TTN: variants seen among roughly 807,000 people sequenced by gnomAD.
The protein encoded by TTN is connectin.
TTN carries 1,525 observed loss-of-function variants against 3,223.0 expected under a neutral mutation model. The observed-to-expected ratio is 0.47, with a 90% confidence interval of 0.45 to 0.49. The LOEUF is 0.49. TTN is among the 20% of genes least tolerant of loss of function. TTN has a pLI of 0.00. For missense variants in TTN, 40,786 were observed against 43,424.0 expected, an observed-to-expected ratio of 0.94 and a Z score of 5.40; for synonymous variants, 14,094 against 15,161.0, an observed-to-expected ratio of 0.93 and a Z score of 5.17.
chr2:178,773,209 T>G lies in TTN; in HGVS notation c.7755A>C (p.Lys2585Asn), dbSNP rs2091789577. 1 of 1,613,712 alleles carries G rather than the reference T, an allele frequency of 6.2e-7. No homozygotes were observed. The highest frequency in any genetic ancestry group is 1.7e-5 in the Admixed American group (1 of 59,954). The change falls in exon 33 of 363, where the codon AAA (lysine) becomes AAC (asparagine). Residue 2585 changes from lysine (K) to asparagine (N), a missense_variant. Coordinates refer to ENST00000589042, the MANE Select transcript of TTN (RefSeq NM_001267550.2). ...SSKYKIEAHG[K>N]IYKLTVLNMM... ...TATTTAGAACTGTCAATTTATATAT[T>G]TTTCCATGTGCTTCAATTTTATATT...
chr2:178,617,196 T>G lies in TTN; in HGVS notation c.47799A>C (p.Arg15933Ser). ...GLEKGNKYLYRVSAENKAGVS... is the reference protein window; with the variant it reads ...GLEKGNKYLYSVSAENKAGVS... The stretch of plus-strand genomic sequence containing the variant: ...CACCAGCTTTATTTTCTGCAGATAC[T>G]CTATATAAATATTTATTTCCTTTTT... The change falls in exon 255 of 363, where the codon AGA becomes AGC. Residue 15933 changes from arginine to serine, a missense_variant. Transcript: ENST00000589042. 1.3e-6 allele frequency: 2 copies of G among 1,573,822 alleles called. No homozygotes were observed. The highest frequency in any genetic ancestry group is 1.7e-6 in the Non-Finnish European group (2 of 1,160,104).
chr2:178,751,442 A>T (rs2085472965), intron 47 of TTN: 1 of 1,612,880 alleles, frequency 6.2e-7, no homozygotes, highest in African/African-American at 1.3e-5. Flanking sequence ...AGTTCTCATC[A>T]TTCCCTTTTG....
In TTN at chr2:178,613,268, C is replaced by T. The variant is rs776604541; in HGVS notation, c.49541G>A (p.Gly16514Asp). 6.2e-7 allele frequency: 1 copy of T among 1,608,078 alleles called. No individual in the cohort carries two copies. The highest frequency in any genetic ancestry group is 1.1e-5 in the South Asian group (1 of 89,548). ...TCTGTATTTTTTCTTATTAGTGAGA[C>T]CTTTCACTCTGAATTAGGAACAAAG... ...PVKDTTYRVK[G>D]LTNKKKYRFR... The change falls in exon 264 of 363, where the codon GGT becomes GAT. Residue 16514 changes from glycine to aspartate, a missense_variant. Physicochemically the swap from Gly to Asp is moderately conservative, Grantham distance 94 (BLOSUM62 -1). Transcript: ENST00000589042.
In TTN at chr2:178,740,453, C is replaced by A. The variant is rs746578; in HGVS notation, c.12780G>T (p.Ala4260=). ...CAGCTAAGCTCTGACTCAAGATGAG[C>A]GCACTTTGTGCCTCTTGCTTTTGAA... ...VTLQKQEAQS[A]LILSQSLAEG... is the part of the protein sequence containing the mutation. The change falls in exon 48 of 363, where the codon GCG becomes GCT. Residue 4260 remains alanine (A), a synonymous_variant. Coordinates refer to ENST00000589042, the MANE Select transcript of TTN (RefSeq NM_001267550.2). The A allele has an allele frequency of 0.053, 84,987 of 1,613,230 alleles. 3,833 individuals carry two copies. Among genetic ancestry groups the A allele is most frequent in the Admixed American group, 0.21 (12,315 of 59,928 alleles).
chr2:178,577,551 G>A, intron 323 of TTN, 41 bp from the exon 324 acceptor site: 2 of 1,550,890 alleles, frequency 1.3e-6, no homozygotes, highest in Admixed American at 2.0e-5. Flanking sequence ...AAAGGAAGGA[G>A]GCTTAATTTG....
At chr2:178,688,068 C>T in intron 127 of TTN, 43 bp downstream of exon 127, 1 of 1,545,874 alleles carries the variant, frequency 6.5e-7, no homozygotes, top group South Asian at 1.1e-5. Context: ...GAAAACACCT[C>T]ATCAAAACCC....
At chr2:178,682,614 A>T (rs1263299132) in intron 135 of TTN, 83 bp downstream of exon 135, 18 of 1,311,208 alleles carry the variant, frequency 1.4e-5, no homozygotes, top group Non-Finnish European at 1.8e-5. Context: ...CCAAATTTTT[A>T]TCTTGTTATG....
At position 178,539,209 on chromosome 2, in the gene TTN, A is replaced by G. The variant is rs368877793; in HGVS notation, c.98726T>C (p.Val32909Ala). ...GGACAAGCTAACAGAACTCTTGGTT[A>G]CATCGAGTACTTCTGGAGGATTGCT... ...PPSNPPEVLD[V>A]TKSSVSLSWS... The change falls in exon 353 of 363, where the codon GTA becomes GCA. Residue 32909 changes from valine (V) to alanine (A), a missense_variant. Coordinates refer to ENST00000589042, the MANE Select transcript of TTN (RefSeq NM_001267550.2). 435 of 1,613,700 alleles carry G rather than the reference A, an allele frequency of 2.7e-4. No homozygotes were observed. The highest frequency in any genetic ancestry group is 3.4e-4 in the Non-Finnish European group (404 of 1,179,762).
Position 178,775,684 on chromosome 2 carries a change from C to T in TTN, c.6180G>A (p.Thr2060=), listed in dbSNP as rs990559709. ...KKALAEEGKI[T]IPTFKPDKIE... ...TCTTGTCAGGTTTAAAAGTTGGAAT[C>T]GTGATTTTGCCTTCTTCGGCAAGAG... The change falls in exon 28 of 363, where the codon ACG becomes ACA. Residue 2060 remains threonine, a synonymous_variant. Transcript: ENST00000589042. 1 of 1,614,100 alleles carries T rather than the reference C, an allele frequency of 6.2e-7. No homozygotes were observed. The highest frequency in any genetic ancestry group is 8.5e-7 in the Non-Finnish European group (1 of 1,179,990).
chr2:178,528,500 T>C (rs1420256081), intron 360 of TTN, 28 bp downstream of exon 360: 1 of 1,594,228 alleles, frequency 6.3e-7, no homozygotes, highest in Non-Finnish European at 8.5e-7. Flanking sequence ...TAGTTTTTCT[T>C]CAATAATATA....
At position 178,652,532 on chromosome 2, in the gene TTN, G is replaced by A. The variant is rs2063219455; in HGVS notation, c.39053C>T (p.Ala13018Val). The change falls in exon 202 of 363, where the codon GCT becomes GTT. Residue 13018 changes from alanine to valine, a missense_variant. Coordinates refer to ENST00000589042, the MANE Select transcript of TTN (RefSeq NM_001267550.2). The part of the protein sequence containing the change: ...PEVPPVKVPE[A>V]PKEVVPEKKV... ...CTTTTCAGGAACAACTTCTTTCGGA[G>A]CCTCTGGCACTTAAAAGATATTAGT... is the stretch of plus-strand genomic sequence containing the variant. 3.1e-6 allele frequency: 5 copies of A among 1,613,370 alleles called. No homozygotes were observed. Among genetic ancestry groups the A allele is most frequent in the South Asian group, 1.1e-5 (1 of 91,070 alleles).
At chr2:178,746,656 TC>T (rs780394693) in intron 47 of TTN, 1 of 1,613,380 alleles carries the variant, frequency 6.2e-7, no homozygotes, top group South Asian at 1.1e-5. Context: ...CTCCCCCTTC[TC>T]CTTTTTGAAT....
Position 178,727,320 on chromosome 2 carries a change from C to T in TTN, c.20045G>A (p.Gly6682Asp). The stretch of plus-strand genomic sequence containing the variant: ...CTTGCATTCAAGTCGTGAAGAGTCA[C>T]CTGCTTTCACAATTTTGGAGGCTTC... The part of the protein sequence containing the change: ...KLEASKIVKA[G>D]DSSRLECKIA... Residue 6682 changes from glycine to aspartate, a missense_variant, in exon 69 of 363, where the codon GGT (glycine) becomes GAT (aspartate). Gly to Asp is a moderately conservative substitution (Grantham distance 94). Coordinates refer to ENST00000589042, the MANE Select transcript of TTN (RefSeq NM_001267550.2). 6.2e-7 allele frequency: 1 copy of T among 1,610,694 alleles called. No individual in the cohort carries two copies. The highest frequency in any genetic ancestry group is 1.1e-5 in the South Asian group (1 of 90,528).
At chr2:178,764,340 C>T (rs769252329) in intron 42 of TTN, 38 bp from the exon 43 acceptor site, 5 of 1,613,070 alleles carry the variant, frequency 3.1e-6, no homozygotes, top group Non-Finnish European at 4.2e-6. Context: ...ATGATTAAGT[C>T]ACCATAGAGA....
In TTN at chr2:178,589,888, G is replaced by A; in HGVS notation, c.61837C>T (p.Gln20613Ter). The A allele has an allele frequency of 1.9e-6, 3 of 1,613,358 alleles. No homozygotes were observed. The highest frequency in any genetic ancestry group is 2.5e-6 in the Non-Finnish European group (3 of 1,179,584). ...GATGCAACAATTGACCAGCCTTTCT[G>A]GTTTGGTTTGCGATATTCTACTATG... ...NFIVEYRKPN[Q>*]KGWSIVASDV... Residue 20613 changes from glutamine (Q) to a stop codon, truncating the protein, a stop_gained, in exon 304 of 363, where the codon CAG (glutamine) becomes TAG (stop). Transcript: ENST00000589042. LOFTEE classifies it high-confidence loss of function.
At position 178,585,949 on chromosome 2, in the gene TTN, A is replaced by G. The variant is rs915839792; in HGVS notation, c.64396+556T>C. 3.9e-5 allele frequency among the ~76,000 whole-genome samples: 6 copies of G among 152,134 alleles called. No homozygotes were observed. The East Asian group carries it at 1.2e-3, about 29-fold the overall frequency. ...TAGAATGATTTATAATCCTTTGGGT[A>G]TATACCCAGTAATGAGATTGCTGGG... is the stretch of plus-strand genomic sequence containing the variant. On this transcript the variant is annotated intron_variant, in intron 308 of 362. Transcript: ENST00000589042.
At position 178,727,717 on chromosome 2, in the gene TTN, A is replaced by G. The variant is rs760276555; in HGVS notation, c.19861T>C (p.Phe6621Leu). Residue 6621 changes from phenylalanine to leucine, a missense_variant, in exon 68 of 363, where the codon TTC (phenylalanine) becomes CTC (leucine). Phe to Leu is a conservative substitution (Grantham distance 22). Transcript: ENST00000589042. ...DVELVSGPKC[F>L]IGLEGSTSFL... ...CTAGTCGACCCTTCCAAGCCAATGA[A>G]ACATTTAGGACCTGAGACAAGTTCC... The G allele has an allele frequency of 1.9e-6, 3 of 1,613,354 alleles. No homozygotes were observed. Among genetic ancestry groups the G allele is most frequent in the East Asian group, 2.2e-5 (1 of 44,848 alleles).
At position 178,547,949 on chromosome 2, in the gene TTN, GTT is replaced by G; in HGVS notation, c.93675_93676del (p.Thr31226LeufsTer10). ...GGTAAATGGGCTTCCTGCTTTGCAA[GTT>G]ATAAGCTGATTGGTAATTCCAGTGA... is the stretch of plus-strand genomic sequence containing the variant. On this transcript the variant is annotated frameshift_variant, in exon 339 of 363. Transcript: ENST00000589042. LOFTEE classifies it high-confidence loss of function. 6.2e-7 allele frequency: 1 copy of G among 1,613,760 alleles called. No individual in the cohort carries two copies. The highest frequency in any genetic ancestry group is 8.5e-7 in the Non-Finnish European group (1 of 1,179,768).
Position 178,566,793 on chromosome 2 carries a change from T to C in TTN, c.79339A>G (p.Arg26447Gly). The C allele has an allele frequency of 6.2e-7, 1 of 1,613,414 alleles. No individual in the cohort carries two copies. The highest frequency in any genetic ancestry group is 2.2e-5 in the East Asian group (1 of 44,810). ...NKRRITDLRL[R>G]VTGLTEDHEY... The stretch of plus-strand genomic sequence containing the variant: ...TGATCTTCTGTTAATCCTGTCACTC[T>C]TAGACGCAAATCTGTAATGCGGCGT... The change falls in exon 326 of 363, where the codon AGA becomes GGA. Residue 26447 changes from arginine (R) to glycine (G), a missense_variant. Arg to Gly is a moderately radical substitution (Grantham distance 125). Coordinates refer to ENST00000589042, the MANE Select transcript of TTN (RefSeq NM_001267550.2).
Sources: gnomAD v4.1 joint callset for allele counts (sites outside exome capture counted in the v4.1 genomes callset) on GRCh38, gnomAD v4.1.1 for gene constraint, MANE v1.5 for transcripts, NCBI Gene and HGNC (gene_info 2026-07-23, HGNC 2026-07-21) for gene names.